CPZ: variants seen among roughly 807,000 people sequenced by gnomAD.
The protein encoded by CPZ is VEZT/CPZ fusion.
CPZ carries 103 observed loss-of-function variants against 61.8 expected under a neutral mutation model. That is an observed-to-expected ratio of 1.67 (90% CI 1.42 to 1.96). CPZ has a LOEUF of 1.96. Among genes scored for constraint, CPZ ranks in the 30% most tolerant of loss-of-function variants. CPZ has a pLI of 0.00. For synonymous variants in CPZ, 551 were observed against 373.7 expected (o/e 1.47, Z -5.47); for missense variants, 1,461 against 914.9 (o/e 1.60, Z -7.70).
At chr4:8,601,721 C>T (rs1159541299) in intron 3 of CPZ, among the ~76,000 whole-genome samples, 2 of 152,162 alleles carry the variant, frequency 1.3e-5, no homozygotes, top group Admixed American at 1.3e-4. Context: ...GCCCAGGGCC[C>T]CCTAGCAGAA....
chr4:8,595,498 G>A (rs938205923), intron 1 of CPZ, among the ~76,000 whole-genome samples: 2 of 152,212 alleles, frequency 1.3e-5, no homozygotes, highest in Admixed American at 6.5e-5. Context: ...GCCCACCCCC[G>A]TGTGGTAAGG....
At chr4:8,603,647 T>G (rs1257406318) in intron 3 of CPZ, 14 of 354,792 alleles carry the variant, frequency 3.9e-5, no homozygotes, top group South Asian at 8.7e-5. Context: ...CAGCAGGGGT[T>G]TGCCTTGGGG....
In CPZ at chr4:8,592,796, C is replaced by T. The variant is rs1249703367; in HGVS notation, c.-38C>T. ...CCGGCCCCGCGCGGCCCGAGTGCCA[C>T]ATCACTGCGCTGGCCGTCCAAGGTC... On this transcript the variant is annotated 5_prime_UTR_variant, in exon 1 of 11. Coordinates refer to ENST00000360986, the MANE Select transcript of CPZ (RefSeq NM_001014447.3). The T allele has an allele frequency of 2.2e-6, 3 of 1,351,954 alleles. No homozygotes were observed. Among genetic ancestry groups the T allele is most frequent in the South Asian group, 1.7e-5 (1 of 59,824 alleles). 83.7% of individuals were successfully genotyped at this position (1,351,954 alleles called of 1,614,324 possible). A position where few individuals can be genotyped will look rare whatever the true frequency, so the allele number is the denominator to read the frequency against.
chr4:8,614,339 C>T lies in CPZ; in HGVS notation c.1364-20C>T. ...TGTGCGGCTGACACCCCTGACGTCCCCGCTGTCTCTGTGCCACAGGCATGT... is the reference window on the plus strand; with the variant it reads ...TGTGCGGCTGACACCCCTGACGTCCTCGCTGTCTCTGTGCCACAGGCATGT... On this transcript the variant is annotated intron_variant, in intron 8 of 10. Coordinates refer to ENST00000360986, the MANE Select transcript of CPZ (RefSeq NM_001014447.3). The T allele has an allele frequency of 1.9e-6, 3 of 1,605,328 alleles. No homozygotes were observed. The South Asian group carries it at 3.3e-5, about 18-fold the overall frequency.
intron 3 of CPZ, among the ~76,000 whole-genome samples, chr4:8,601,742 C>A (rs1462241651): frequency 1.3e-5 from 2 of 152,154 alleles, no homozygotes; most frequent in Non-Finnish European, 2.9e-5. Flanking sequence ...GTCTCCAGCC[C>A]CTTAGAGGCA....
At position 8,615,828 on chromosome 4, in the gene CPZ, C is replaced by A. The variant is rs754409457; in HGVS notation, c.1503+1330C>A. Among the ~76,000 whole-genome samples the A allele has an allele frequency of 3.3e-5, 5 of 152,172 alleles. 1 individual carries two copies. Among genetic ancestry groups the A allele is most frequent in the Non-Finnish European group, 7.3e-5 (5 of 68,032 alleles). Reference sequence around the variant, plus strand: ...CAGGAACCTTCCTCCAAGTAAGAATCGAGCGAACTCCCTGGGGCAGCAGCC... The same window carrying A: ...CAGGAACCTTCCTCCAAGTAAGAATAGAGCGAACTCCCTGGGGCAGCAGCC... On this transcript the variant is annotated intron_variant, in intron 9 of 10. Transcript: ENST00000360986.
rs201998429 is a variant in CPZ, at chr4:8,601,323, C to T, written c.322C>T (p.Arg108Trp). 119 of 1,609,376 alleles carry T rather than the reference C, an allele frequency of 7.4e-5. 1 individual carries two copies. In the Admixed American group the frequency reaches 1.0e-3, roughly 14 times the overall value. ...RLLGCAVLAP[R>W]CEGGWVRRPC... ...GCTGGGCTGTGCTGTGCTGGCCCCC[C>T]GGTGTGAGGGCGGCTGGGTGCGCAG... The change falls in exon 3 of 11, where the codon CGG becomes TGG. Residue 108 changes from arginine (R) to tryptophan (W), a missense_variant. Transcript: ENST00000360986.
At chr4:8,618,956 T>C (rs78449810) in intron 10 of CPZ, among the ~76,000 whole-genome samples, 5,177 of 151,880 alleles carry the variant, frequency 0.034, 129 homozygotes, top group Non-Finnish European at 0.05. Context: ...CTGTGATATG[T>C]GTTACCTGGC....
At chr4:8,609,619 A>G (rs896661140) in intron 7 of CPZ, among the ~76,000 whole-genome samples, 2 of 148,524 alleles carry the variant, frequency 1.3e-5, no homozygotes, top group Admixed American at 6.6e-5. Flanking sequence ...GCACAGGCCC[A>G]GTGTGTCTCA....
Position 8,609,068 on chromosome 4 carries a change from CTCACCACTCAT to C in CPZ, c.1227+1644_1227+1654del, listed in dbSNP as rs1560297753. ...ACTCCCTCCCTCCCTCACTCCCTCA[CTCACCACTCAT>C]ACATTCACCCATTCACTCACTCACT... On this transcript the variant is annotated intron_variant, in intron 7 of 10. Coordinates refer to ENST00000360986, the MANE Select transcript of CPZ (RefSeq NM_001014447.3). 2.7e-3 allele frequency among the ~76,000 whole-genome samples: 296 copies of C among 109,824 alleles called. 5 individuals are homozygous for C. The highest frequency in any genetic ancestry group is 8.9e-3 in the African/African-American group (280 of 31,488). The allele number at this position is 109,824 out of a possible 152,430, so 72.0% of individuals were successfully genotyped here. A position where few individuals can be genotyped will look rare whatever the true frequency, so the allele number is the denominator to read the frequency against.
Position 8,619,547 on chromosome 4 carries a change from GTAA to G in CPZ, c.1890_1892del (p.Ser630_Lys631delinsArg). On this transcript the variant is annotated inframe_deletion, in exon 11 of 11. Transcript: ENST00000360986. The stretch of plus-strand genomic sequence containing the variant: ...CGCAGGCAGCCCTCGGCCGACGGGA[GTAA>G]GCCCTGGTGGTGGTCCTACTTCACA... The G allele has an allele frequency of 1.3e-6, 2 of 1,564,216 alleles. No individual in the cohort carries two copies. Among genetic ancestry groups the G allele is most frequent in the Non-Finnish European group, 1.7e-6 (2 of 1,154,388 alleles).
chr4:8,599,367 C>A, intron 1 of CPZ, 86 bp from the exon 2 acceptor site: 2 of 1,476,034 alleles, frequency 1.4e-6, no homozygotes, highest in South Asian at 1.4e-5. Flanking sequence ...TGGTCCCTAC[C>A]TGCACTCAGG....
At chr4:8,607,879 C>G (rs1577117904) in intron 7 of CPZ, among the ~76,000 whole-genome samples, 1 of 152,196 alleles carries the variant, frequency 6.6e-6, no homozygotes, top group Non-Finnish European at 1.5e-5. Flanking sequence ...TGCTGGGCTC[C>G]TCCGGATGGG....
chr4:8,606,829 C>A lies in CPZ; in HGVS notation c.999C>A (p.Tyr333Ter), dbSNP rs149008174. The A allele has an allele frequency of 6.2e-7, 1 of 1,613,846 alleles. No individual in the cohort carries two copies. The highest frequency in any genetic ancestry group is 8.5e-7 in the Non-Finnish European group (1 of 1,180,004). Residue 333 changes from tyrosine (Y) to a stop codon, truncating the protein, a stop_gained, in exon 6 of 11, where the codon TAC becomes TAA. Coordinates refer to ENST00000360986, the MANE Select transcript of CPZ (RefSeq NM_001014447.3). LOFTEE classifies it high-confidence loss of function. ...RNFPDLTSEY[Y>*]RLAETRGARS... Reference sequence around the variant, plus strand: ...TCCCGGACCTGACGTCCGAGTACTACCGGCTGGCGGAGACCCGCGGCGCAC... The same window carrying A: ...TCCCGGACCTGACGTCCGAGTACTAACGGCTGGCGGAGACCCGCGGCGCAC...
intron 1 of CPZ, among the ~76,000 whole-genome samples, chr4:8,594,370 C>G (rs1577105178): frequency 6.6e-6 from 1 of 152,236 alleles, no homozygotes; most frequent in African/African-American, 2.4e-5. Flanking sequence ...GCTCTCTCCT[C>G]TCTGCCTCAC....
rs749931394 is a variant in CPZ, at chr4:8,606,145, C to T, written c.866C>T (p.Pro289Leu). 3 of 1,614,142 alleles carry T rather than the reference C, an allele frequency of 1.9e-6. No homozygotes were observed. Among genetic ancestry groups the T allele is most frequent in the Admixed American group, 3.3e-5 (2 of 60,030 alleles). ...AACACCACCCGCATCCACCTGCTGCCCTCCATGAACCCTGACGGCTATGAG... is the reference window on the plus strand; with the variant it reads ...AACACCACCCGCATCCACCTGCTGCTCTCCATGAACCCTGACGGCTATGAG... ...LLNTTRIHLL[P>L]SMNPDGYEVA... Residue 289 changes from proline to leucine, a missense_variant, in exon 5 of 11, where the codon CCC becomes CTC. By Grantham distance (98) the Pro-to-Leu change is moderately conservative. Coordinates refer to ENST00000360986, the MANE Select transcript of CPZ (RefSeq NM_001014447.3).
intron 7 of CPZ, among the ~76,000 whole-genome samples, chr4:8,609,572 T>C (rs1193150171): frequency 6.9e-6 from 1 of 144,938 alleles, no homozygotes; most frequent in African/African-American, 2.9e-5. Context: ...CCTGTGCTCT[T>C]GGGGGCCATG....
At position 8,598,685 on chromosome 4, in the gene CPZ, C is replaced by T. The variant is rs1342081215; in HGVS notation, c.89-768C>T. 3.9e-5 allele frequency among the ~76,000 whole-genome samples: 6 copies of T among 152,372 alleles called. No homozygotes were observed. In the South Asian group the frequency reaches 6.2e-4, roughly 16 times the overall value. ...GATGCCGGGTTCCCCGCCTTGGATG[C>T]GTTCTCGCTGCCTGATGCACACAGA... is the stretch of plus-strand genomic sequence containing the variant. On this transcript the variant is annotated intron_variant, in intron 1 of 10. Coordinates refer to ENST00000360986, the MANE Select transcript of CPZ (RefSeq NM_001014447.3).
intron 7 of CPZ, chr4:8,611,352 G>C (rs1254647244): frequency 4.5e-6 from 2 of 442,812 alleles, no homozygotes; most frequent in South Asian, 3.1e-5. Flanking sequence ...CACAATGCGG[G>C]GAAGCTCTGG....
Sources: gnomAD v4.1 joint callset for allele counts (sites outside exome capture counted in the v4.1 genomes callset) on GRCh38, gnomAD v4.1.1 for gene constraint, MANE v1.5 for transcripts, NCBI Gene and HGNC (gene_info 2026-07-23, HGNC 2026-07-21) for gene names.